NCAM2: variants seen among roughly 807,000 people sequenced by gnomAD.
The protein encoded by NCAM2 is neural cell adhesion molecule 2, also known as N-CAM-2.
A neutral mutation model predicts 98.1 loss-of-function variants in NCAM2; 30 were observed. The ratio of observed to expected loss-of-function variants is 0.31; its 90% CI spans 0.23 to 0.41. The LOEUF (loss-of-function observed/expected upper bound fraction) is 0.41, where lower values mean the gene tolerates loss of function less well. Among genes scored for constraint, NCAM2 ranks in the 10% least tolerant of loss-of-function variants. The pLI is 1.00. For missense variants in NCAM2, 867 were observed against 1,005.8 expected, an observed-to-expected ratio of 0.86 and a Z score of 1.87; for synonymous variants, 368 against 342.4, an observed-to-expected ratio of 1.07 and a Z score of -0.83.
In NCAM2 at chr21:21,270,959, T is replaced by C. The variant is rs377265867; in HGVS notation, c.56-9619T>C. Among the ~76,000 whole-genome samples the C allele has an allele frequency of 3.9e-5, 6 of 152,242 alleles. No homozygotes were observed. In the East Asian group the frequency reaches 7.7e-4, roughly 20 times the overall value. Reference sequence around the variant, plus strand: ...TCTCTTTTAGTTATTTTTTTTTTATTTGAACCTTATTTTTCCATTTTATTC... The same window carrying C: ...TCTCTTTTAGTTATTTTTTTTTTATCTGAACCTTATTTTTCCATTTTATTC... On this transcript the variant is annotated intron_variant, in intron 1 of 17. Transcript: ENST00000400546.
chr21:21,107,826 G>A (rs76138202), intron 1 of NCAM2, among the ~76,000 whole-genome samples: 5,408 of 151,914 alleles, frequency 0.036, 124 homozygotes, highest in Non-Finnish European at 0.042. Flanking sequence ...CTTCAACCAC[G>A]GTGTCACTGC....
intron 8 of NCAM2, among the ~76,000 whole-genome samples, chr21:21,350,204 C>G (rs1176048594): frequency 6.6e-6 from 1 of 151,658 alleles, no homozygotes; most frequent in Non-Finnish European, 1.5e-5. Flanking sequence ...CTATGTACCC[C>G]AAAACTTAAA....
chr21:21,040,157 A>C (rs1300286048), intron 1 of NCAM2, among the ~76,000 whole-genome samples: 1 of 152,168 alleles, frequency 6.6e-6, no homozygotes, highest in African/African-American at 2.4e-5. Context: ...GAGTTATAGA[A>C]TTTTAGAAAG....
At chr21:21,112,769 G>C (rs757631456) in intron 1 of NCAM2, among the ~76,000 whole-genome samples, 1 of 152,142 alleles carries the variant, frequency 6.6e-6, no homozygotes, top group Non-Finnish European at 1.5e-5. Flanking sequence ...TATTATAGGA[G>C]ATTAGTCAGC....
chr21:21,534,383 T>C (rs1474944227), intron 16 of NCAM2, among the ~76,000 whole-genome samples, 154 bp from the exon 17 acceptor site: 1 of 152,136 alleles, frequency 6.6e-6, no homozygotes, highest in Admixed American at 6.5e-5. Context: ...GAAACAAATT[T>C]AAATGGTAAA....
At position 21,541,085 on chromosome 21, in the gene NCAM2, T is replaced by C. The variant is rs1186458683; in HGVS notation, c.*3128T>C. On this transcript the variant is annotated 3_prime_UTR_variant, in exon 18 of 18. Coordinates refer to ENST00000400546, the MANE Select transcript of NCAM2 (RefSeq NM_004540.5). ...GCACACTTCATATGGATCTTAGTCT[T>C]TGAATTAAATATTTATATAAATAGA... 3 of 151,478 alleles carry C rather than the reference T, an allele frequency of 2.0e-5. No individual in the cohort carries two copies. The highest frequency in any genetic ancestry group is 7.2e-5 in the African/African-American group (3 of 41,404). The allele number at this position is 151,478 out of a possible 1,614,324, so 9.4% of individuals were successfully genotyped here.
intron 9 of NCAM2, among the ~76,000 whole-genome samples, chr21:21,409,977 C>A (rs1602252243): frequency 6.6e-6 from 1 of 151,934 alleles, no homozygotes; most frequent in African/African-American, 2.4e-5. Flanking sequence ...ACTAAAAATA[C>A]AAAAGATTAG....
intron 11 of NCAM2, among the ~76,000 whole-genome samples, chr21:21,420,324 C>A (rs1002215175): frequency 6.6e-6 from 1 of 151,670 alleles, no homozygotes; most frequent in Admixed American, 6.6e-5. Flanking sequence ...AACCAGAAAG[C>A]CAGATATTGT....
chr21:21,516,270 C>A (rs886073896), intron 16 of NCAM2, among the ~76,000 whole-genome samples: 1 of 152,230 alleles, frequency 6.6e-6, no homozygotes, highest in African/African-American at 2.4e-5. Context: ...CTTGCACAGG[C>A]ATTTCATAAC....
chr21:21,366,858 A>AT (rs930339516), intron 8 of NCAM2, among the ~76,000 whole-genome samples: 69 of 152,148 alleles, frequency 4.5e-4, no homozygotes, highest in African/African-American at 1.6e-3. Context: ...CCAGTAGGGA[A>AT]TTTTGACTTT....
intron 15 of NCAM2, 27 bp from the exon 16 acceptor site, chr21:21,508,808 CTTTTTTTTTTTTTTTT>C (rs764097299): frequency 3.1e-4 from 129 of 413,260 alleles, no homozygotes; most frequent in Middle Eastern, 8.9e-4. Context: ...ACTTTTTTTC[CTTTTTTTTTTTTTTTT>C]TTTTTTTTTT....
intron 1 of NCAM2, among the ~76,000 whole-genome samples, chr21:21,050,136 CA>C (rs11412654): frequency 0.066 from 9,049 of 137,722 alleles, 826 homozygotes; most frequent in African/African-American, 0.21. Flanking sequence ...CTGTAAAGTG[CA>C]AAAAAAAAAA....
At chr21:21,227,548 A>G (rs544160432) in intron 1 of NCAM2, among the ~76,000 whole-genome samples, 2 of 151,938 alleles carry the variant, frequency 1.3e-5, no homozygotes, top group South Asian at 2.1e-4. Flanking sequence ...TCAGTTCCAA[A>G]CAGCATTTCA....
chr21:21,437,448 T>G (rs1401144402), intron 12 of NCAM2, among the ~76,000 whole-genome samples: 1 of 135,780 alleles, frequency 7.4e-6, no homozygotes, highest in Non-Finnish European at 1.6e-5. Context: ...TTCAAAGAAG[T>G]ATTTATCCAA....
chr21:21,111,838 C>T (rs1050707452), intron 1 of NCAM2, among the ~76,000 whole-genome samples: 1 of 152,020 alleles, frequency 6.6e-6, no homozygotes, highest in African/African-American at 2.4e-5. Flanking sequence ...AGACTAGGAG[C>T]TCAAATGGAC....
intron 1 of NCAM2, among the ~76,000 whole-genome samples, chr21:21,151,460 C>T (rs989810566): frequency 4.6e-5 from 7 of 152,132 alleles, no homozygotes; most frequent in African/African-American, 1.7e-4. Context: ...TAATTCACAT[C>T]TTCTAAATTC....
intron 1 of NCAM2, among the ~76,000 whole-genome samples, chr21:21,260,098 A>G (rs973698473): frequency 1.3e-5 from 2 of 151,736 alleles, no homozygotes; most frequent in African/African-American, 2.4e-5. Flanking sequence ...AGAAGAAACA[A>G]TTTTAGAGAT....
intron 1 of NCAM2, among the ~76,000 whole-genome samples, chr21:21,260,871 T>G (rs999097949): frequency 9.9e-5 from 15 of 152,028 alleles, no homozygotes; most frequent in African/African-American, 3.6e-4. Context: ...AACCTTGAGC[T>G]GAAATAGTCT....
chr21:21,314,283 T>G (rs1464253988), intron 5 of NCAM2, among the ~76,000 whole-genome samples: 1 of 152,164 alleles, frequency 6.6e-6, no homozygotes, highest in African/African-American at 2.4e-5. Context: ...AGACCTTGCT[T>G]TGACAGGTGT....
Sources: allele counts gnomAD v4.1 joint callset (sites outside exome capture counted in the v4.1 genomes callset), GRCh38; gene constraint gnomAD v4.1.1; transcripts MANE v1.5; gene names NCBI Gene and HGNC (gene_info 2026-07-23, HGNC 2026-07-21).